Variants in LSAMP observed in about 807,000 individuals in gnomAD.
LSAMP encodes limbic system-associated membrane protein.
LSAMP carries 7 observed loss-of-function variants against 38.6 expected under a neutral mutation model. The ratio of observed to expected loss-of-function variants is 0.18; its 90% CI spans 0.10 to 0.34. The LOEUF is 0.34. LSAMP is among the 10% of genes least tolerant of loss of function. LSAMP has a pLI of 1.00. For missense variants in LSAMP, 313 were observed against 420.0 expected, an observed-to-expected ratio of 0.75 and a Z score of 2.23; for synonymous variants, 154 against 166.8, an observed-to-expected ratio of 0.92 and a Z score of 0.59.
At chr3:116,180,635 A>G (rs902505532) in intron 1 of LSAMP, among the ~76,000 whole-genome samples, 1 of 152,182 alleles carries the variant, frequency 6.6e-6, no homozygotes, top group Non-Finnish European at 1.5e-5. Flanking sequence ...ATATGCCTGT[A>G]TTTGATGACC....
At chr3:115,873,132 G>T (rs1171953658) in intron 3 of LSAMP, among the ~76,000 whole-genome samples, 1 of 152,050 alleles carries the variant, frequency 6.6e-6, no homozygotes, top group Non-Finnish European at 1.5e-5. Flanking sequence ...CACTTTGGGA[G>T]GCCAAGGCAG....
At chr3:115,816,461 A>C (rs1366710552) in intron 6 of LSAMP, among the ~76,000 whole-genome samples, 1 of 152,216 alleles carries the variant, frequency 6.6e-6, no homozygotes, top group Non-Finnish European at 1.5e-5. Context: ...TGTAAATGAA[A>C]AAGTTCACAA....
Position 116,370,565 on chromosome 3 carries a change from A to G in LSAMP, c.155+74312T>C, listed in dbSNP as rs115384446. 4.4e-3 allele frequency among the ~76,000 whole-genome samples: 672 copies of G among 152,292 alleles called. 7 individuals carry two copies. The highest frequency in any genetic ancestry group is 0.015 in the African/African-American group (637 of 41,564). ...AGTGTCTTGGCAGGCAGTTGTACACATATTACCTAAGCAGCATGCACACAT... is the reference window on the plus strand; with the variant it reads ...AGTGTCTTGGCAGGCAGTTGTACACGTATTACCTAAGCAGCATGCACACAT... On this transcript the variant is annotated intron_variant, in intron 1 of 6. Coordinates refer to ENST00000490035, the MANE Select transcript of LSAMP (RefSeq NM_002338.5).
chr3:116,248,497 G>GAC (rs2107645799), intron 1 of LSAMP, among the ~76,000 whole-genome samples: 1 of 150,264 alleles, frequency 6.7e-6, no homozygotes, highest in Admixed American at 6.7e-5. Context: ...GTGTGTGTGT[G>GAC]TGTGTGTGTG....
At chr3:116,216,291 A>C (rs1029478819) in intron 1 of LSAMP, among the ~76,000 whole-genome samples, 3 of 152,120 alleles carry the variant, frequency 2.0e-5, no homozygotes, top group Non-Finnish European at 1.5e-5. Flanking sequence ...CGCTGTCTGG[A>C]CCACTCTGTA....
rs1461241103 is a variant in LSAMP, at chr3:116,033,989, T to TTA, written c.389-14350_389-14349insTA. ...TTTTCCATAGGGTCTGGGCTGGAAA[T>TTA]CTATAGAGACTACATTTGAGTTTCT... On this transcript the variant is annotated intron_variant, in intron 2 of 6. Coordinates refer to ENST00000490035, the MANE Select transcript of LSAMP (RefSeq NM_002338.5). Among the ~76,000 whole-genome samples, 9 of 152,152 alleles carry TTA rather than the reference T, an allele frequency of 5.9e-5. No homozygotes were observed. The East Asian group carries it at 1.4e-3, about 23-fold the overall frequency.
intron 1 of LSAMP, among the ~76,000 whole-genome samples, chr3:116,349,705 C>T (rs1187244133): frequency 6.6e-6 from 1 of 151,878 alleles, no homozygotes; most frequent in Non-Finnish European, 1.5e-5. Context: ...TATATTATAT[C>T]TGGTGCTAAG....
intron 3 of LSAMP, among the ~76,000 whole-genome samples, chr3:115,983,558 T>C (rs1318263640): frequency 6.6e-6 from 1 of 152,102 alleles, no homozygotes; most frequent in Non-Finnish European, 1.5e-5. Context: ...ATTACTAAAT[T>C]ACAAAGTACA....
rs539276522 is a variant in LSAMP, at chr3:116,064,377, TA to T, written c.388+21946del. On this transcript the variant is annotated intron_variant, in intron 2 of 6. Coordinates refer to ENST00000490035, the MANE Select transcript of LSAMP (RefSeq NM_002338.5). Reference sequence around the variant, plus strand: ...CCCGTCTCTACTAAAAATACAAGCATAGTGGTGGATGCCTGTAATCCCAGCT... The same window carrying T: ...CCCGTCTCTACTAAAAATACAAGCATGTGGTGGATGCCTGTAATCCCAGCT... Among the ~76,000 whole-genome samples, 36 of 151,904 alleles carry T rather than the reference TA, an allele frequency of 2.4e-4. No homozygotes were observed. In the East Asian group the frequency reaches 6.0e-3, roughly 25 times the overall value.
chr3:115,908,418 C>T (rs1937061720), intron 3 of LSAMP, among the ~76,000 whole-genome samples: 1 of 143,966 alleles, frequency 6.9e-6, no homozygotes, highest in Non-Finnish European at 1.6e-5. Flanking sequence ...TGTCTACCTG[C>T]AAGGCTCAGA....
At chr3:116,167,086 T>C (rs141402084) in intron 1 of LSAMP, among the ~76,000 whole-genome samples, 6,959 of 152,174 alleles carry the variant, frequency 0.046, 489 homozygotes, top group African/African-American at 0.15. Context: ...CCGCTGCGCC[T>C]GGCCCTAAAA....
Position 115,922,817 on chromosome 3 carries a change from T to C in LSAMP, c.515-70200A>G, listed in dbSNP as rs1330535277. ...TTCTCATGTGAAGAGGAGAGAGGTATGCTGGTTTCTTTTGCAGGAGTTTAT... is the reference window on the plus strand; with the variant it reads ...TTCTCATGTGAAGAGGAGAGAGGTACGCTGGTTTCTTTTGCAGGAGTTTAT... On this transcript the variant is annotated intron_variant, in intron 3 of 6. Coordinates refer to ENST00000490035, the MANE Select transcript of LSAMP (RefSeq NM_002338.5). Among the ~76,000 whole-genome samples, 3 of 152,122 alleles carry C rather than the reference T, an allele frequency of 2.0e-5. No individual in the cohort carries two copies. In the East Asian group the frequency reaches 5.8e-4, roughly 29 times the overall value.
chr3:116,310,298 T>G (rs1410761744), intron 1 of LSAMP, among the ~76,000 whole-genome samples: 2 of 152,182 alleles, frequency 1.3e-5, no homozygotes, highest in African/African-American at 4.8e-5. Flanking sequence ...CACACAACTC[T>G]GGCAATGCAA....
intron 3 of LSAMP, among the ~76,000 whole-genome samples, chr3:115,868,146 A>G (rs1462804868): frequency 6.6e-6 from 1 of 152,170 alleles, no homozygotes; most frequent in African/African-American, 2.4e-5. Context: ...TAGCTCCTAC[A>G]TTCAACTCAT....
At chr3:115,865,892 A>G (rs764628297) in intron 3 of LSAMP, among the ~76,000 whole-genome samples, 2 of 152,218 alleles carry the variant, frequency 1.3e-5, no homozygotes, top group Admixed American at 6.5e-5. Context: ...ATCAGGAAAG[A>G]CTGAAGGAGA....
chr3:115,854,286 T>TATTATTATTA, intron 3 of LSAMP, among the ~76,000 whole-genome samples: 1 of 116,530 alleles, frequency 8.6e-6, no homozygotes, highest in Non-Finnish European at 1.8e-5. Flanking sequence ...ATTATTATTT[T>TATTATTATTA]TTTTTTTTTT....
chr3:116,189,004 C>G (rs572430305), intron 1 of LSAMP, among the ~76,000 whole-genome samples: 27 of 152,178 alleles, frequency 1.8e-4, no homozygotes, highest in Admixed American at 4.6e-4. Context: ...TACTACAAGT[C>G]AACTTTATTC....
At chr3:116,337,146 G>A (rs1257446673) in intron 1 of LSAMP, among the ~76,000 whole-genome samples, 2 of 151,984 alleles carry the variant, frequency 1.3e-5, no homozygotes, top group Admixed American at 1.3e-4. Flanking sequence ...TGGTAGAATG[G>A]TGGTTGCAGG....
intron 4 of LSAMP, among the ~76,000 whole-genome samples, chr3:115,849,749 C>T (rs1047907358): frequency 2.0e-5 from 3 of 152,146 alleles, no homozygotes; most frequent in Admixed American, 1.3e-4. Context: ...CTTAATACAA[C>T]TATATTTAAG....
Sources: gnomAD v4.1 joint callset for allele counts (sites outside exome capture counted in the v4.1 genomes callset) on GRCh38, gnomAD v4.1.1 for gene constraint, MANE v1.5 for transcripts, NCBI Gene and HGNC (gene_info 2026-07-23, HGNC 2026-07-21) for gene names.